NMNAT3: variants seen among roughly 807,000 people sequenced by gnomAD.
The protein encoded by NMNAT3 is nicotinamide/nicotinic acid mononucleotide adenylyltransferase 3.
Under a neutral mutation model 24.8 loss-of-function variants are expected in NMNAT3, and 21 were observed. The ratio of observed to expected loss-of-function variants is 0.85; its 90% CI spans 0.60 to 1.22. NMNAT3 has a LOEUF of 1.22. NMNAT3 is among the 50% of genes most tolerant of loss of function. The probability of loss-of-function intolerance (pLI) is 0.00; values close to 1 mark genes in which losing one functional copy is unlikely to be tolerated. For missense variants in NMNAT3, 387 were observed against 436.6 expected, an observed-to-expected ratio of 0.89 and a Z score of 1.01; for synonymous variants, 136 against 155.2, an observed-to-expected ratio of 0.88 and a Z score of 0.92.
At chr3:139,661,072 A>G (rs1259297154) in intron 1 of NMNAT3, among the ~76,000 whole-genome samples, 1 of 152,202 alleles carries the variant, frequency 6.6e-6, no homozygotes, top group African/African-American at 2.4e-5. Flanking sequence ...CTGTTTGTGG[A>G]AGGACAGTCG....
At chr3:139,599,385 G>C in intron 3 of NMNAT3, 1 of 702,480 alleles carries the variant, frequency 1.4e-6, no homozygotes, top group Non-Finnish European at 2.6e-6. Context: ...ACCACCTCAT[G>C]CACACTTTTG....
intron 4 of NMNAT3, among the ~76,000 whole-genome samples, chr3:139,581,972 A>G (rs181719113): frequency 2.0e-5 from 3 of 151,734 alleles, no homozygotes; most frequent in African/African-American, 4.8e-5. Context: ...GGGTGGGGGG[A>G]TCACCTGAGG....
chr3:139,661,686 T>C lies in NMNAT3; in HGVS notation c.-141+16019A>G, dbSNP rs1043353272. 2.6e-5 allele frequency among the ~76,000 whole-genome samples: 4 copies of C among 151,830 alleles called. No homozygotes were observed. The East Asian group carries it at 5.8e-4, about 22-fold the overall frequency. ...CTGTCTCTAAAAACAAAAAGAAAAA[T>C]TGGAAACAATAACAGTATAATAAAC... is the stretch of plus-strand genomic sequence containing the variant. On this transcript the variant is annotated intron_variant, in intron 1 of 6. Coordinates refer to ENST00000643695, the MANE Select transcript of NMNAT3 (RefSeq NM_001320510.2).
intron 2 of NMNAT3, chr3:139,636,403 G>A (rs1335699900): frequency 6.6e-6 from 1 of 151,768 alleles, no homozygotes; most frequent in African/African-American, 2.4e-5. Flanking sequence ...CCCTTACTCA[G>A]GACTCTGGAT....
intron 1 of NMNAT3, among the ~76,000 whole-genome samples, chr3:139,652,167 T>C (rs528794321): frequency 2.0e-4 from 31 of 152,318 alleles, no homozygotes; most frequent in African/African-American, 7.0e-4. Flanking sequence ...AGGCCTGGCA[T>C]GGCATTCCAG....
intron 3 of NMNAT3, among the ~76,000 whole-genome samples, chr3:139,618,169 C>A (rs1055354843): frequency 1.3e-5 from 2 of 152,094 alleles, no homozygotes; most frequent in Admixed American, 6.6e-5. Flanking sequence ...TATCTAATTC[C>A]CAAACATTCT....
In NMNAT3 at chr3:139,561,039, T is replaced by A; in HGVS notation, c.1012A>T (p.Thr338Ser). Residue 338 changes from threonine (T) to serine (S), a missense_variant, in exon 7 of 7, where the codon ACC becomes TCC. Physicochemically the swap from Thr to Ser is moderately conservative, Grantham distance 58. Around this residue, in one of 3 missense-constraint regions of NMNAT3, gnomAD observed 323 missense variants for 345.2 expected, o/e 0.94. Transcript: ENST00000643695. ...CTTGTCTTGCCCTCAGTGCTCTGGG[T>A]GCTTTTGCCTTTCCAGGTACTGCCC... The A allele has an allele frequency of 6.2e-7, 1 of 1,613,516 alleles. No homozygotes were observed. Among genetic ancestry groups the A allele is most frequent in the South Asian group, 1.1e-5 (1 of 91,026 alleles).
chr3:139,598,137 C>T (rs997324762), intron 3 of NMNAT3, among the ~76,000 whole-genome samples: 1 of 152,214 alleles, frequency 6.6e-6, no homozygotes, highest in African/African-American at 2.4e-5. Flanking sequence ...ATCACTCCCT[C>T]CATTCTCTGG....
In NMNAT3 at chr3:139,649,432, C is replaced by T. The variant is rs113997654; in HGVS notation, c.-140-11370G>A. On this transcript the variant is annotated intron_variant, in intron 1 of 6. Coordinates refer to ENST00000643695, the MANE Select transcript of NMNAT3 (RefSeq NM_001320510.2). ...GAAAAAAAAGACACACAGTAAGTAGCCAAAGTCTGAGGCAAGTGCGTCTTT... is the reference window on the plus strand; with the variant it reads ...GAAAAAAAAGACACACAGTAAGTAGTCAAAGTCTGAGGCAAGTGCGTCTTT... 1.7e-3 allele frequency among the ~76,000 whole-genome samples: 258 copies of T among 152,302 alleles called. 2 individuals carry two copies. The highest frequency in any genetic ancestry group is 5.7e-3 in the African/African-American group (238 of 41,556).
intron 2 of NMNAT3, 163 bp downstream of exon 3, chr3:139,634,448 C>T (rs1311180705): frequency 6.6e-6 from 1 of 152,186 alleles, no homozygotes; most frequent in Non-Finnish European, 1.5e-5. Flanking sequence ...GTATGTGGGG[C>T]TGACGACCAC....
chr3:139,594,835 A>T (rs1294772287), intron 3 of NMNAT3, among the ~76,000 whole-genome samples: 1 of 152,234 alleles, frequency 6.6e-6, no homozygotes, highest in East Asian at 1.9e-4. Flanking sequence ...GCTATCTATG[A>T]CAAACCCACA....
chr3:139,625,821 T>G (rs1367642215), intron 3 of NMNAT3, among the ~76,000 whole-genome samples: 2 of 152,184 alleles, frequency 1.3e-5, no homozygotes, highest in Non-Finnish European at 2.9e-5. Flanking sequence ...TTTTTTGTAG[T>G]GCAGGTTTGC....
intron 1 of NMNAT3, among the ~76,000 whole-genome samples, chr3:139,661,750 T>G (rs1463116245): frequency 6.6e-6 from 1 of 152,100 alleles, no homozygotes; most frequent in Non-Finnish European, 1.5e-5. Flanking sequence ...ATTGACATAC[T>G]TCTATATTTA....
intron 1 of NMNAT3, among the ~76,000 whole-genome samples, chr3:139,658,312 G>A (rs1013549591): frequency 2.6e-5 from 4 of 152,274 alleles, no homozygotes; most frequent in African/African-American, 9.6e-5. Flanking sequence ...AAGAGTCTAG[G>A]CTCAGAGTCC....
intron 6 of NMNAT3, 119 bp from the exon 7 acceptor site, chr3:139,561,511 A>C: frequency 1.1e-6 from 1 of 925,214 alleles, no homozygotes; most frequent in Non-Finnish European, 1.6e-6. Flanking sequence ...CAGTGTCTCC[A>C]TGTTCATGAC....
At chr3:139,594,388 G>A (rs1342432937) in intron 3 of NMNAT3, among the ~76,000 whole-genome samples, 2 of 152,184 alleles carry the variant, frequency 1.3e-5, no homozygotes, top group Admixed American at 6.5e-5. Flanking sequence ...GAGGTACAAG[G>A]AGGAACTCGT....
At chr3:139,605,771 T>G (rs72990666) in intron 3 of NMNAT3, among the ~76,000 whole-genome samples, 9,042 of 152,176 alleles carry the variant, frequency 0.059, 856 homozygotes, top group African/African-American at 0.2. Flanking sequence ...ATCTCTTAAA[T>G]TCTTTGTCCC....
chr3:139,627,760 C>G lies in NMNAT3; in HGVS notation c.-36G>C, dbSNP rs762017310. The G allele has an allele frequency of 7.5e-7, 1 of 1,330,706 alleles. No individual in the cohort carries two copies. The highest frequency in any genetic ancestry group is 1.3e-5 in the South Asian group (1 of 76,112). The allele number at this position is 1,330,706 out of a possible 1,614,324, so 82.4% of individuals were successfully genotyped here. A position where few individuals can be genotyped will look rare whatever the true frequency, so the allele number is the denominator to read the frequency against. ...ACATCCACACCTGTTGCAGTGGCCA[C>G]CCTGCTTTTATGGGGACAAAAGCTC... On this transcript the variant is annotated 5_prime_UTR_variant, in exon 3 of 7. Transcript: ENST00000643695.
At chr3:139,633,900 G>A (rs981084556) in intron 2 of NMNAT3, among the ~76,000 whole-genome samples, 7 of 152,284 alleles carry the variant, frequency 4.6e-5, no homozygotes, top group African/African-American at 1.7e-4. Context: ...CTCAGTCTGT[G>A]TTTCAGAAAG....
Sources: allele counts gnomAD v4.1 joint callset (sites outside exome capture counted in the v4.1 genomes callset), GRCh38; gene constraint gnomAD v4.1.1; regional missense constraint gnomAD v4.1.1; transcripts MANE v1.5; gene names NCBI Gene and HGNC (gene_info 2026-07-23, HGNC 2026-07-21).